Variants in PIEZO1 observed in about 807,000 individuals in gnomAD.
PIEZO1 encodes piezo type mechanosensitive ion channel component 1 (Er blood group).
Under a neutral mutation model 297.2 loss-of-function variants are expected in PIEZO1, and 296 were observed. The observed-to-expected ratio is 1.00, with a 90% confidence interval of 0.91 to 1.10. The LOEUF is 1.10. Among genes scored for constraint, PIEZO1 ranks in the 50% least tolerant of loss-of-function variants. The probability of loss-of-function intolerance (pLI) is 0.00; values close to 1 mark genes in which losing one functional copy is unlikely to be tolerated. For missense variants in PIEZO1, 5,018 were observed against 3,455.5 expected, an observed-to-expected ratio of 1.45 and a Z score of -11.34; for synonymous variants, 2,427 against 1,507.5, an observed-to-expected ratio of 1.61 and a Z score of -14.13.
intron 2 of PIEZO1, chr16:88,743,599 A>C (rs1348885058): frequency 2.2e-6 from 1 of 456,446 alleles, no homozygotes; most frequent in East Asian, 6.9e-5. Flanking sequence ...CAGTTTTTTG[A>C]GCACAAATGG....
In PIEZO1 at chr16:88,721,423, C is replaced by G. The variant is rs549222282; in HGVS notation, c.5411G>C (p.Gly1804Ala). Residue 1804 changes from glycine to alanine, a missense_variant, in exon 39 of 51, where the codon GGC becomes GCC. Physicochemically the swap from Gly to Ala is moderately conservative, Grantham distance 60. Coordinates refer to ENST00000301015, the MANE Select transcript of PIEZO1 (RefSeq NM_001142864.4). ...TGAGTCCTCCTCATGGTCCCAGAGG[C>G]CATAGCACTGAGGGGCGGGAGGGTG... ...FFHRSQLLCY[G>A]LWDHEEDSPS... The G allele has an allele frequency of 4.3e-5, 66 of 1,548,082 alleles. No individual in the cohort carries two copies. The highest frequency in any genetic ancestry group is 4.9e-5 in the Non-Finnish European group (56 of 1,145,318).
chr16:88,752,728 TG>T (rs1906451926), intron 1 of PIEZO1, among the ~76,000 whole-genome samples: 1 of 151,950 alleles, frequency 6.6e-6, no homozygotes, highest in Non-Finnish European at 1.5e-5. Flanking sequence ...CAGAGGACGA[TG>T]GGGGCATGGG....
At chr16:88,755,700 C>T (rs1451586045) in intron 1 of PIEZO1, among the ~76,000 whole-genome samples, 1 of 152,272 alleles carries the variant, frequency 6.6e-6, no homozygotes, top group Non-Finnish European at 1.5e-5. Context: ...ACGGTGGCGC[C>T]TACCCTCAAA....
rs200392848 is a variant in PIEZO1 at position 88,722,360 on chromosome 16, C to T, written c.4813G>A (p.Asp1605Asn). The change falls in exon 36 of 51, where the codon GAC becomes AAC. Residue 1605 changes from aspartate to asparagine, a missense_variant. Asp to Asn is a conservative substitution (Grantham distance 23). Coordinates refer to ENST00000301015, the MANE Select transcript of PIEZO1 (RefSeq NM_001142864.4). ...GAEEPLSSMT[D>N]DMGSPLSTGY... ...GTGCTCAGGGGGCTGCCCATGTCGT[C>T]TGTCATGCTGCTGAGTGGCTCCTCC... The T allele has an allele frequency of 1.6e-4, 250 of 1,527,838 alleles. 3 individuals are homozygous for T. In the East Asian group the frequency reaches 2.4e-3, roughly 14 times the overall value. 94.6% of individuals were successfully genotyped at this position (1,527,838 alleles called of 1,614,324 possible). A position where few individuals can be genotyped will look rare whatever the true frequency, so the allele number is the denominator to read the frequency against.
At chr16:88,750,198 TG>T (rs1167398817) in intron 1 of PIEZO1, among the ~76,000 whole-genome samples, 1 of 152,014 alleles carries the variant, frequency 6.6e-6, no homozygotes, top group African/African-American at 2.4e-5. Context: ...TAGCTGGGTG[TG>T]GTGGCGGGCA....
At chr16:88,727,303 C>T (rs940153606) in intron 23 of PIEZO1, 111 bp from the exon 24 acceptor site, 221 of 1,242,224 alleles carry the variant, frequency 1.8e-4, no homozygotes, top group Non-Finnish European at 1.8e-4. Flanking sequence ...CCGCTGGGAG[C>T]GGACACACGT....
chr16:88,723,012 G>C lies in PIEZO1; in HGVS notation c.4496-3C>G, dbSNP rs953431296. 6.5e-7 allele frequency: 1 copy of C among 1,543,762 alleles called. No homozygotes were observed. The highest frequency in any genetic ancestry group is 1.4e-5 in the African/African-American group (1 of 72,952). ...CCTCTGCACCACATGGCTCCGGCCTGCGGGAGGGCGGGAGGGGGCGCTGGA... is the reference window on the plus strand; with the variant it reads ...CCTCTGCACCACATGGCTCCGGCCTCCGGGAGGGCGGGAGGGGGCGCTGGA... On this transcript the variant is annotated splice_polypyrimidine_tract_variant and splice_region_variant and intron_variant, in intron 33 of 50. Transcript: ENST00000301015.
At chr16:88,727,455 C>T (rs577338025) in intron 23 of PIEZO1, 102 bp downstream of exon 23, 5 of 642,204 alleles carry the variant, frequency 7.8e-6, no homozygotes, top group African/African-American at 7.3e-5. Context: ...CTGACCACAC[C>T]TCCGCCCGTG....
chr16:88,735,482 C>T (rs1046047423), intron 12 of PIEZO1, among the ~76,000 whole-genome samples: 4 of 152,282 alleles, frequency 2.6e-5, no homozygotes, highest in African/African-American at 7.2e-5. Flanking sequence ...TGCGCTCACA[C>T]GCAGAGTCAC....
In PIEZO1 at chr16:88,719,651, A is replaced by G; in HGVS notation, c.6394T>C (p.Ser2132Pro). ...TCCACACACATCCAGCTGGACAGGGACAGCGTGGTGTCCGTCCACACCCAG... is the reference window on the plus strand; with the variant it reads ...TCCACACACATCCAGCTGGACAGGGGCAGCGTGGTGTCCGTCCACACCCAG... ...MDWVWTDTTLSLSSWMCVEDI... is the reference protein window; with the variant it reads ...MDWVWTDTTLPLSSWMCVEDI... The change falls in exon 44 of 51, where the codon TCC becomes CCC. Residue 2132 changes from serine (S) to proline (P), a missense_variant. Ser to Pro is a moderately conservative substitution (Grantham distance 74). Transcript: ENST00000301015. 1 of 1,554,132 alleles carries G rather than the reference A, an allele frequency of 6.4e-7. No homozygotes were observed. Among genetic ancestry groups the G allele is most frequent in the Non-Finnish European group, 8.7e-7 (1 of 1,149,056 alleles).
intron 1 of PIEZO1, among the ~76,000 whole-genome samples, chr16:88,763,350 C>G (rs1907016980): frequency 6.6e-6 from 1 of 152,212 alleles, no homozygotes; most frequent in Non-Finnish European, 1.5e-5. Flanking sequence ...AGCCAAACCC[C>G]TGCTTCTTCT....
Position 88,734,420 on chromosome 16 carries a change from T to C in PIEZO1, c.2116A>G (p.Met706Val), listed in dbSNP as rs993351977. 30 of 1,549,658 alleles carry C rather than the reference T, an allele frequency of 1.9e-5. No homozygotes were observed. Among genetic ancestry groups the C allele is most frequent in the African/African-American group, 1.2e-4 (9 of 73,040 alleles). The change falls in exon 16 of 51, where the codon ATG becomes GTG. Residue 706 changes from methionine to valine, a missense_variant. Coordinates refer to ENST00000301015, the MANE Select transcript of PIEZO1 (RefSeq NM_001142864.4). ...LQLHYFHRPF[M>V]QLTDMEHVSL... is the part of the protein sequence containing the mutation. ...ACGTGCTCCATGTCGGTGAGCTGCA[T>C]GAAGGGCCTGTGGAAGTAGTGCAGC...
At chr16:88,747,219 A>G (rs1906106951) in intron 2 of PIEZO1, among the ~76,000 whole-genome samples, 1 of 148,226 alleles carries the variant, frequency 6.7e-6, no homozygotes, top group Non-Finnish European at 1.5e-5. Flanking sequence ...CAACCAAGCA[A>G]GACCCCCACT....
rs140244227 is a variant in PIEZO1 at position 88,777,745 on chromosome 16, C to T, written c.64+7156G>A. 2.5e-3 allele frequency among the ~76,000 whole-genome samples: 384 copies of T among 152,328 alleles called. 1 individual carries two copies. The highest frequency in any genetic ancestry group is 8.7e-3 in the African/African-American group (362 of 41,572). On this transcript the variant is annotated intron_variant, in intron 1 of 50. Transcript: ENST00000301015. ...AAAGGCAGACAGTGGGGGTCCCAGG[C>T]GACAGATTGCAAACTGCAGGCCTTG... is the stretch of plus-strand genomic sequence containing the variant.
At chr16:88,765,449 C>T (rs923026845) in intron 1 of PIEZO1, among the ~76,000 whole-genome samples, 1 of 152,194 alleles carries the variant, frequency 6.6e-6, no homozygotes, top group Non-Finnish European at 1.5e-5. Context: ...GGTCCTAGCT[C>T]AGCCCTCCCC....
chr16:88,739,817 G>C (rs74615691), intron 5 of PIEZO1: 1 of 151,298 alleles, frequency 6.6e-6, no homozygotes. Flanking sequence ...GGATCAGAAC[G>C]CAGGGCGCCA....
chr16:88,737,828 C>T lies in PIEZO1; in HGVS notation c.1021-14G>A, dbSNP rs766867419. ...CGCCTCCTTCCTCTGCAGAGACCAG[C>T]GTCTTGAGCCCAAACCAGCTCCACA... On this transcript the variant is annotated splice_polypyrimidine_tract_variant and intron_variant, in intron 8 of 50. Coordinates refer to ENST00000301015, the MANE Select transcript of PIEZO1 (RefSeq NM_001142864.4). 7.8e-5 allele frequency: 119 copies of T among 1,535,362 alleles called. No individual in the cohort carries two copies. The highest frequency in any genetic ancestry group is 1.2e-4 in the Admixed American group (6 of 50,982).
At position 88,738,560 on chromosome 16, in the gene PIEZO1, G is replaced by C. The variant is rs1597462306; in HGVS notation, c.634+8C>G. On this transcript the variant is annotated splice_region_variant and intron_variant, in intron 6 of 50. Coordinates refer to ENST00000301015, the MANE Select transcript of PIEZO1 (RefSeq NM_001142864.4). ...GTGACTGCCAGTGCCCCCTGCCTCG[G>C]TGCGTACCTGCCAGTGCAAGCAGTG... 1.3e-6 allele frequency: 2 copies of C among 1,533,834 alleles called. No homozygotes were observed. The highest frequency in any genetic ancestry group is 1.7e-6 in the Non-Finnish European group (2 of 1,145,446).
intron 1 of PIEZO1, among the ~76,000 whole-genome samples, chr16:88,777,579 G>A (rs973538734): frequency 3.9e-5 from 6 of 152,382 alleles, no homozygotes; most frequent in South Asian, 2.1e-4. Flanking sequence ...TGAGGCAGGG[G>A]CAGTGGGATG....
Sources: gnomAD v4.1 joint callset for allele counts (sites outside exome capture counted in the v4.1 genomes callset) on GRCh38, gnomAD v4.1.1 for gene constraint, MANE v1.5 for transcripts, NCBI Gene and HGNC (gene_info 2026-07-23, HGNC 2026-07-21) for gene names.